The following ADAMTS16 variants were observed in gnomAD, a reference collection of about 807,000 sequenced individuals.
ADAMTS16 encodes ADAM metallopeptidase with thrombospondin type 1 motif 16.
A neutral mutation model predicts 145.8 loss-of-function variants in ADAMTS16; 94 were observed. That is an observed-to-expected ratio of 0.64 (90% confidence interval 0.55 to 0.77). ADAMTS16 has a LOEUF of 0.77. Ranked by LOEUF, ADAMTS16 falls within the 30% of genes least tolerant of loss-of-function variation. The pLI, the probability that ADAMTS16 is intolerant of heterozygous loss-of-function variation, is 0.00. For synonymous variants in ADAMTS16, 659 were observed against 604.3 expected (o/e 1.09, Z -1.33); for missense variants, 1,585 against 1,591.5 (o/e 1.00, Z 0.07).
At chr5:5,198,144 A>G (rs1270035718) in intron 8 of ADAMTS16, among the ~76,000 whole-genome samples, 1 of 152,162 alleles carries the variant, frequency 6.6e-6, no homozygotes, top group East Asian at 1.9e-4. Context: ...TATCGAGGGC[A>G]ATTTCTGGAC....
At chr5:5,183,950 A>C (rs2126564023) in intron 4 of ADAMTS16, among the ~76,000 whole-genome samples, 1 of 152,350 alleles carries the variant, frequency 6.6e-6, no homozygotes, top group African/African-American at 2.4e-5. Context: ...AAGAAAGCTC[A>C]ACAAACTGCC....
chr5:5,312,805 AAGCAGC>A (rs1195861383), intron 21 of ADAMTS16, among the ~76,000 whole-genome samples: 1 of 152,036 alleles, frequency 6.6e-6, no homozygotes, highest in Admixed American at 6.6e-5. Context: ...GAGTCAGGTA[AAGCAGC>A]AAGTGAGCTA....
In ADAMTS16 at chr5:5,296,111, C is replaced by T. The variant is rs111309806; in HGVS notation, c.2790-7157C>T. 5.1e-3 allele frequency among the ~76,000 whole-genome samples: 779 copies of T among 152,198 alleles called. 10 individuals are homozygous for T. The highest frequency in any genetic ancestry group is 0.018 in the African/African-American group (749 of 41,528). On this transcript the variant is annotated intron_variant, in intron 18 of 22. Transcript: ENST00000274181. Reference sequence around the variant, plus strand: ...TTGGAAGAGTCAGTATGTAAGGAAGCGTCTGTGGTCCATCCCAGCTCCGAA... The same window carrying T: ...TTGGAAGAGTCAGTATGTAAGGAAGTGTCTGTGGTCCATCCCAGCTCCGAA...
At chr5:5,201,167 G>A (rs771347545) in intron 9 of ADAMTS16, among the ~76,000 whole-genome samples, 1 of 152,036 alleles carries the variant, frequency 6.6e-6, no homozygotes, top group Non-Finnish European at 1.5e-5. Context: ...AGCCATCCGG[G>A]GACTGAGGAC....
chr5:5,270,780 G>C (rs1348968528), intron 18 of ADAMTS16, among the ~76,000 whole-genome samples: 1 of 152,112 alleles, frequency 6.6e-6, no homozygotes, highest in Admixed American at 6.5e-5. Context: ...CTGATTAAAT[G>C]TTCAGGAAAC....
intron 3 of ADAMTS16, among the ~76,000 whole-genome samples, chr5:5,158,912 T>C (rs1579278580): frequency 6.6e-6 from 1 of 152,336 alleles, no homozygotes; most frequent in East Asian, 1.9e-4. Flanking sequence ...CTATCGTGTA[T>C]TAAGATTCTC....
At chr5:5,181,083 G>A (rs985803090) in intron 3 of ADAMTS16, among the ~76,000 whole-genome samples, 17 of 151,876 alleles carry the variant, frequency 1.1e-4, no homozygotes, top group Non-Finnish European at 2.9e-5. Context: ...TTTTAGTTTT[G>A]TTATTATAAA....
rs115712251 is a variant in ADAMTS16 at position 5,287,557 on chromosome 5, A to G, written c.2790-15711A>G. On this transcript the variant is annotated intron_variant, in intron 18 of 22. Transcript: ENST00000274181. ...CAGTTTTGTTTAGCATGAGCAAGGT[A>G]ACCACTAAGAAAGCGACGTAGAGAG... 7.2e-3 allele frequency among the ~76,000 whole-genome samples: 1,095 copies of G among 152,254 alleles called. 17 individuals are homozygous for G. The highest frequency in any genetic ancestry group is 0.025 in the African/African-American group (1,024 of 41,544).
intron 3 of ADAMTS16, among the ~76,000 whole-genome samples, chr5:5,152,986 G>T (rs1344288255): frequency 6.6e-6 from 1 of 152,186 alleles, no homozygotes; most frequent in East Asian, 1.9e-4. Flanking sequence ...CCATTTTACA[G>T]ATGATCCCAA....
At position 5,303,276 on chromosome 5, in the gene ADAMTS16, T is replaced by TG. The variant is rs1392687502; in HGVS notation, c.2802dup (p.Asn935GlufsTer27). 1.3e-6 allele frequency: 2 copies of TG among 1,571,144 alleles called. No homozygotes were observed. ...TCTTTGTCCCTGCCCAGCTGGTCCG[T>TG]GGGGAACTGGAGTGCCTGCAGTCGG... On this transcript the variant is annotated frameshift_variant, in exon 19 of 23. Transcript: ENST00000274181. LOFTEE classifies it high-confidence loss of function.
Position 5,232,500 on chromosome 5 carries a change from C to T in ADAMTS16, c.1834C>T (p.Leu612Phe). 1 of 1,613,600 alleles carries T rather than the reference C, an allele frequency of 6.2e-7. No individual in the cohort carries two copies. Among genetic ancestry groups the T allele is most frequent in the South Asian group, 1.1e-5 (1 of 91,060 alleles). ...AGGGGGAGTATCTCATAGGAGTCGC[C>T]TCTGCACCAACCCCAAGTAAGTATG... ...CGGGVSHRSR[L>F]CTNPKPSHGG... is the part of the protein sequence containing the mutation. Residue 612 changes from leucine (L) to phenylalanine (F), a missense_variant, in exon 12 of 23, where the codon CTC (leucine) becomes TTC (phenylalanine). Coordinates refer to ENST00000274181, the MANE Select transcript of ADAMTS16 (RefSeq NM_139056.4).
chr5:5,153,875 T>C (rs1359130094), intron 3 of ADAMTS16, among the ~76,000 whole-genome samples: 1 of 152,196 alleles, frequency 6.6e-6, no homozygotes, highest in African/African-American at 2.4e-5. Context: ...CTAATTATTG[T>C]TTTCAAAAAT....
intron 3 of ADAMTS16, among the ~76,000 whole-genome samples, chr5:5,153,609 A>G (rs1734527820): frequency 6.6e-6 from 1 of 152,222 alleles, no homozygotes; most frequent in African/African-American, 2.4e-5. Context: ...AGGGTTTTTA[A>G]CAAAACTATT....
chr5:5,164,824 C>T (rs1329225249), intron 3 of ADAMTS16, among the ~76,000 whole-genome samples: 2 of 152,094 alleles, frequency 1.3e-5, no homozygotes, highest in East Asian at 3.9e-4. Context: ...CTACAGGCGC[C>T]CGCCACCACG....
chr5:5,140,680 T>G lies in ADAMTS16; in HGVS notation c.89T>G (p.Met30Arg). Residue 30 changes from methionine (M) to arginine (R), a missense_variant, in exon 2 of 23, where the codon ATG becomes AGG. Physicochemically the swap from Met to Arg is moderately conservative, Grantham distance 91. Around this residue, in one of 3 missense-constraint regions of ADAMTS16, gnomAD observed 453 missense variants for 412.1 expected, o/e 1.10. Transcript: ENST00000274181. ...QVAEQAPACAMGPAAAAPGSP... is the reference protein window; with the variant it reads ...QVAEQAPACARGPAAAAPGSP... ...TTTCCGCAGGCACCTGCGTGCGCCA[T>G]GGGACCCGCAGCGGCAGCGCCTGGG... 6.4e-7 allele frequency: 1 copy of G among 1,559,238 alleles called. No individual in the cohort carries two copies. The highest frequency in any genetic ancestry group is 8.7e-7 in the Non-Finnish European group (1 of 1,155,384).
At chr5:5,224,160 C>CT (rs78444974) in intron 11 of ADAMTS16, among the ~76,000 whole-genome samples, 46 of 150,558 alleles carry the variant, frequency 3.1e-4, no homozygotes, top group Middle Eastern at 6.8e-3. Flanking sequence ...TGCTAATATG[C>CT]TTTTTTTTTC....
At chr5:5,279,483 C>A (rs1404523289) in intron 18 of ADAMTS16, among the ~76,000 whole-genome samples, 1 of 152,094 alleles carries the variant, frequency 6.6e-6, no homozygotes. Flanking sequence ...CTCTTACGTG[C>A]TTTAATGGCT....
chr5:5,148,335 A>T (rs1200155722), intron 3 of ADAMTS16, among the ~76,000 whole-genome samples: 2 of 152,232 alleles, frequency 1.3e-5, no homozygotes, highest in African/African-American at 2.4e-5. Context: ...TTATTTAGGT[A>T]TCTTTGCAGA....
At position 5,292,512 on chromosome 5, in the gene ADAMTS16, AT is replaced by A. The variant is rs1239521548; in HGVS notation, c.2790-10755del. On this transcript the variant is annotated intron_variant, in intron 18 of 22. Transcript: ENST00000274181. The stretch of plus-strand genomic sequence containing the variant: ...GACTCCAGCTCAAATAATAATAATA[AT>A]AATAATAATAATAATTTTAAAAATA... Among the ~76,000 whole-genome samples the A allele has an allele frequency of 4.0e-5, 6 of 150,800 alleles. No individual in the cohort carries two copies. The South Asian group carries it at 1.0e-3, about 26-fold the overall frequency.
Sources: allele counts gnomAD v4.1 joint callset (sites outside exome capture counted in the v4.1 genomes callset), GRCh38; gene constraint gnomAD v4.1.1; regional missense constraint gnomAD v4.1.1; transcripts MANE v1.5; gene names NCBI Gene and HGNC (gene_info 2026-07-23, HGNC 2026-07-21).